KCNAB1: variants seen among roughly 807,000 people sequenced by gnomAD.
KCNAB1 encodes voltage-gated potassium channel subunit beta-1.
In KCNAB1, 35 loss-of-function variants were observed where a neutral mutation model predicts 64.6. The ratio of observed to expected loss-of-function variants is 0.54; its 90% CI spans 0.41 to 0.72. The LOEUF is 0.72. Among genes scored for constraint, KCNAB1 ranks in the 30% least tolerant of loss-of-function variants. KCNAB1 has a pLI of 0.00. For missense variants in KCNAB1, 401 were observed against 512.9 expected, an observed-to-expected ratio of 0.78 and a Z score of 2.11; for synonymous variants, 177 against 183.8, an observed-to-expected ratio of 0.96 and a Z score of 0.30.
At chr3:156,407,060 T>C (rs1714294762) in intron 1 of KCNAB1, among the ~76,000 whole-genome samples, 1 of 152,236 alleles carries the variant, frequency 6.6e-6, no homozygotes, top group Non-Finnish European at 1.5e-5. Context: ...ACTCTTCACA[T>C]AGAGTCTGTA....
At chr3:156,509,064 G>A (rs1436879427) in intron 8 of KCNAB1, among the ~76,000 whole-genome samples, 2 of 151,994 alleles carry the variant, frequency 1.3e-5, no homozygotes, top group African/African-American at 4.8e-5. Flanking sequence ...GATTCATGGT[G>A]GTGGAGTGGG....
intron 12 of KCNAB1, among the ~76,000 whole-genome samples, chr3:156,525,109 A>ATACTG (rs1718223640): frequency 6.6e-6 from 1 of 152,190 alleles, no homozygotes; most frequent in African/African-American, 2.4e-5. Flanking sequence ...TTACTATACT[A>ATACTG]TACTTTTCAT....
At chr3:156,173,136 G>A (rs563563309) in intron 1 of KCNAB1, among the ~76,000 whole-genome samples, 282 of 152,326 alleles carry the variant, frequency 1.9e-3, no homozygotes, top group African/African-American at 6.6e-3. Flanking sequence ...AGTCACTGCG[G>A]TCAACAGGCA....
chr3:156,421,120 C>T (rs951472252), intron 1 of KCNAB1, among the ~76,000 whole-genome samples: 2 of 151,984 alleles, frequency 1.3e-5, no homozygotes, highest in African/African-American at 4.8e-5. Flanking sequence ...GTTTGTTAGT[C>T]AGTAAGTCAA....
intron 1 of KCNAB1, among the ~76,000 whole-genome samples, chr3:156,256,269 AT>A (rs1209005406): frequency 1.3e-5 from 2 of 152,152 alleles, no homozygotes; most frequent in Non-Finnish European, 2.9e-5. Flanking sequence ...CTTCTATAAT[AT>A]TTTTTTCACT....
At chr3:156,284,501 T>G (rs1168418550) in intron 1 of KCNAB1, among the ~76,000 whole-genome samples, 2 of 152,190 alleles carry the variant, frequency 1.3e-5, no homozygotes, top group African/African-American at 4.8e-5. Context: ...CCACCCAGTT[T>G]GAGCTTCCAG....
At chr3:156,428,778 A>T (rs1716011356) in intron 2 of KCNAB1, among the ~76,000 whole-genome samples, 1 of 152,200 alleles carries the variant, frequency 6.6e-6, no homozygotes, top group Non-Finnish European at 1.5e-5. Flanking sequence ...TTCGCAGGTC[A>T]AGAGGACAAT....
At chr3:156,358,060 A>G (rs534608910) in intron 1 of KCNAB1, among the ~76,000 whole-genome samples, 5 of 152,156 alleles carry the variant, frequency 3.3e-5, no homozygotes, top group African/African-American at 1.2e-4. Flanking sequence ...CAGTTTCTTA[A>G]TTATGCTAAC....
rs144144135 is a variant in KCNAB1 at position 156,364,169 on chromosome 3, TG to T, written c.276-57446del. Among the ~76,000 whole-genome samples the T allele has an allele frequency of 6.0e-3, 912 of 152,366 alleles. 10 individuals are homozygous for T. The highest frequency in any genetic ancestry group is 0.02 in the African/African-American group (825 of 41,576). ...CCTGAAGGAAGTTCCAGAGGTAATC[TG>T]TCCCATTCCTCTGGATTCAGACTGA... On this transcript the variant is annotated intron_variant, in intron 1 of 13. Coordinates refer to ENST00000490337, the MANE Select transcript of KCNAB1 (RefSeq NM_172160.3).
At chr3:156,436,218 C>T (rs1380511839) in intron 2 of KCNAB1, among the ~76,000 whole-genome samples, 1 of 152,154 alleles carries the variant, frequency 6.6e-6, no homozygotes, top group Non-Finnish European at 1.5e-5. Flanking sequence ...TGGCTTCCAG[C>T]TCCACCCATG....
intron 1 of KCNAB1, chr3:156,175,992 A>T (rs972012994): frequency 1.1e-5 from 10 of 928,682 alleles, no homozygotes; most frequent in Non-Finnish European, 1.8e-5. Context: ...TATCCCACAC[A>T]TACACAAACC....
At position 156,372,448 on chromosome 3, in the gene KCNAB1, A is replaced by G. The variant is rs1274707457; in HGVS notation, c.276-49168A>G. Among the ~76,000 whole-genome samples, 3 of 152,224 alleles carry G rather than the reference A, an allele frequency of 2.0e-5. No individual in the cohort carries two copies. The East Asian group carries it at 5.8e-4, about 29-fold the overall frequency. ...AGAATCACCTGGAAGCCTTGTTAAGACAGATTGCTGGGCCCCACCCTGGAG... is the reference window on the plus strand; with the variant it reads ...AGAATCACCTGGAAGCCTTGTTAAGGCAGATTGCTGGGCCCCACCCTGGAG... On this transcript the variant is annotated intron_variant, in intron 1 of 13. Coordinates refer to ENST00000490337, the MANE Select transcript of KCNAB1 (RefSeq NM_172160.3).
chr3:156,424,661 A>G (rs984108016), intron 2 of KCNAB1, among the ~76,000 whole-genome samples: 2 of 152,234 alleles, frequency 1.3e-5, no homozygotes, highest in African/African-American at 2.4e-5. Flanking sequence ...TTAGTCAATA[A>G]GTACACAGAA....
chr3:156,513,671 G>A (rs1332629274), intron 8 of KCNAB1, among the ~76,000 whole-genome samples: 1 of 152,220 alleles, frequency 6.6e-6, no homozygotes, highest in East Asian at 1.9e-4. Flanking sequence ...GAAATGTGAT[G>A]TCGAGCTCCA....
chr3:156,536,792 T>G lies in KCNAB1; in HGVS notation c.*45T>G. Reference sequence around the variant, plus strand: ...AAGCTGCATGGTTAAAATAGCGGCCTGTGCCCAGTACAGAAAGGTGTTACT... The same window carrying G: ...AAGCTGCATGGTTAAAATAGCGGCCGGTGCCCAGTACAGAAAGGTGTTACT... On this transcript the variant is annotated 3_prime_UTR_variant, in exon 14 of 14. Transcript: ENST00000490337. 1.5e-6 allele frequency: 2 copies of G among 1,331,508 alleles called. No individual in the cohort carries two copies. The highest frequency in any genetic ancestry group is 1.1e-6 in the Non-Finnish European group (1 of 923,146). 82.5% of individuals were successfully genotyped at this position (1,331,508 alleles called of 1,614,324 possible).
chr3:156,488,332 A>G (rs1715363981), intron 8 of KCNAB1, among the ~76,000 whole-genome samples: 1 of 151,878 alleles, frequency 6.6e-6, no homozygotes, highest in African/African-American at 2.4e-5. Context: ...CAGGGAAATT[A>G]GAATGGGAAT....
chr3:156,152,923 A>G (rs1201451627), intron 1 of KCNAB1, among the ~76,000 whole-genome samples: 1 of 152,136 alleles, frequency 6.6e-6, no homozygotes, highest in African/African-American at 2.4e-5. Context: ...CCATGCTAGC[A>G]CTTTCTTCCT....
chr3:156,527,518 G>T (rs552439308), intron 12 of KCNAB1, among the ~76,000 whole-genome samples: 3 of 152,136 alleles, frequency 2.0e-5, no homozygotes, highest in Admixed American at 6.5e-5. Context: ...ATTAAACTTA[G>T]CCCTGAAAGA....
intron 2 of KCNAB1, among the ~76,000 whole-genome samples, chr3:156,437,027 G>GTTTTTA (rs1716629884): frequency 6.6e-6 from 1 of 152,056 alleles, no homozygotes; most frequent in South Asian, 2.1e-4. Flanking sequence ...TTCTTCTAGG[G>GTTTTTA]TTTTTATAGT....
Sources: gnomAD v4.1 joint callset for allele counts (sites outside exome capture counted in the v4.1 genomes callset) on GRCh38, gnomAD v4.1.1 for gene constraint, MANE v1.5 for transcripts, NCBI Gene and HGNC (gene_info 2026-07-23, HGNC 2026-07-21) for gene names.